ADAMTS16: variants seen among roughly 807,000 people sequenced by gnomAD.
The protein encoded by ADAMTS16 is ADAM metallopeptidase with thrombospondin type 1 motif 16.
Under a neutral mutation model 145.8 loss-of-function variants are expected in ADAMTS16, and 94 were observed. That is an observed-to-expected ratio of 0.64 (90% CI 0.55 to 0.77). The LOEUF is 0.77. Ranked by LOEUF, ADAMTS16 falls within the 30% of genes least tolerant of loss-of-function variation. ADAMTS16 has a pLI of 0.00. For synonymous variants in ADAMTS16, 659 were observed against 604.3 expected (o/e 1.09, Z -1.33); for missense variants, 1,585 against 1,591.5 (o/e 1.00, Z 0.07).
intron 11 of ADAMTS16, among the ~76,000 whole-genome samples, chr5:5,224,611 GA>G (rs1736704926): frequency 1.3e-5 from 2 of 152,174 alleles, no homozygotes; most frequent in South Asian, 4.1e-4. Flanking sequence ...TTTCTTGAAA[GA>G]AAATGAGTAT....
intron 10 of ADAMTS16, among the ~76,000 whole-genome samples, chr5:5,211,453 A>T (rs1736270089): frequency 6.6e-6 from 1 of 151,866 alleles, no homozygotes; most frequent in African/African-American, 2.4e-5. Context: ...TTTTTTTCTT[A>T]TCAGTCTAGT....
At chr5:5,182,846 A>G (rs540415947) in intron 4 of ADAMTS16, among the ~76,000 whole-genome samples, 6 of 152,248 alleles carry the variant, frequency 3.9e-5, no homozygotes, top group Non-Finnish European at 8.8e-5. Flanking sequence ...GAAACCTCTC[A>G]GAAATTCAAG....
At chr5:5,251,934 G>A (rs1332726641) in intron 17 of ADAMTS16, among the ~76,000 whole-genome samples, 1 of 152,010 alleles carries the variant, frequency 6.6e-6, no homozygotes, top group African/African-American at 2.4e-5. Context: ...TCGGCTCACT[G>A]CAACCTCCCG....
intron 16 of ADAMTS16, among the ~76,000 whole-genome samples, chr5:5,241,178 G>A (rs1246052592): frequency 6.6e-6 from 1 of 152,134 alleles, no homozygotes; most frequent in Non-Finnish European, 1.5e-5. Flanking sequence ...TTTTCTACAT[G>A]GGCATCATAT....
intron 10 of ADAMTS16, among the ~76,000 whole-genome samples, chr5:5,212,121 G>A (rs1381551807): frequency 6.6e-6 from 1 of 151,706 alleles, no homozygotes; most frequent in Non-Finnish European, 1.5e-5. Context: ...TTACAAAGAT[G>A]AGTGTTAAAA....
intron 18 of ADAMTS16, among the ~76,000 whole-genome samples, chr5:5,298,140 T>A (rs567071553): frequency 2.0e-5 from 3 of 152,252 alleles, no homozygotes; most frequent in Admixed American, 6.5e-5. Context: ...GCAAACCAAC[T>A]GTGGCTGGGA....
chr5:5,198,370 G>A (rs1735865324), intron 8 of ADAMTS16, among the ~76,000 whole-genome samples: 2 of 152,174 alleles, frequency 1.3e-5, no homozygotes, highest in African/African-American at 4.8e-5. Flanking sequence ...AGGCTAAAAT[G>A]ACTACATCTA....
intron 4 of ADAMTS16, among the ~76,000 whole-genome samples, chr5:5,185,047 G>A (rs1735460179): frequency 6.6e-6 from 1 of 152,124 alleles, no homozygotes; most frequent in Admixed American, 6.5e-5. Flanking sequence ...GGTACAGACT[G>A]CACGAGTTAC....
At chr5:5,232,926 A>G (rs1736979829) in intron 12 of ADAMTS16, among the ~76,000 whole-genome samples, 2 of 152,034 alleles carry the variant, frequency 1.3e-5, no homozygotes, top group Admixed American at 6.5e-5. Context: ...GCAAGCCTGT[A>G]CTGTACATAT....
intron 3 of ADAMTS16, among the ~76,000 whole-genome samples, chr5:5,149,860 C>T (rs538385123): frequency 2.6e-5 from 4 of 152,306 alleles, no homozygotes; most frequent in Admixed American, 6.5e-5. Flanking sequence ...GATTCATCCA[C>T]GTTGCAGCAC....
At chr5:5,282,842 G>T (rs1738973323) in intron 18 of ADAMTS16, among the ~76,000 whole-genome samples, 1 of 151,936 alleles carries the variant, frequency 6.6e-6, no homozygotes, top group African/African-American at 2.4e-5. Context: ...TTTTACTTTA[G>T]TCACTGTTTT....
intron 11 of ADAMTS16, among the ~76,000 whole-genome samples, chr5:5,224,792 T>C (rs1736710867): frequency 6.6e-6 from 1 of 152,188 alleles, no homozygotes; most frequent in Non-Finnish European, 1.5e-5. Context: ...GCCTTTCTGA[T>C]GTTGCCTTTG....
chr5:5,277,142 C>T (rs1738732696), intron 18 of ADAMTS16, among the ~76,000 whole-genome samples: 1 of 152,200 alleles, frequency 6.6e-6, no homozygotes, highest in Non-Finnish European at 1.5e-5. Context: ...AAATCTCCCC[C>T]TTACGCTGTC....
intron 3 of ADAMTS16, among the ~76,000 whole-genome samples, chr5:5,174,187 C>T (rs1292848733): frequency 6.6e-6 from 1 of 152,100 alleles, no homozygotes; most frequent in Non-Finnish European, 1.5e-5. Flanking sequence ...CCTTATTTCT[C>T]CTTCATGTTT....
Position 5,195,783 on chromosome 5 carries a change from T to C in ADAMTS16, c.1313+3993T>C, listed in dbSNP as rs116104129. On this transcript the variant is annotated intron_variant, in intron 8 of 22. Transcript: ENST00000274181. ...CAATTTGCATTCTGAGAGCAAGGCA[T>C]TGTGTAGGAGTCTACAAAAAGACTA... Among the ~76,000 whole-genome samples the C allele has an allele frequency of 6.6e-3, 1,008 of 152,314 alleles. 8 individuals are homozygous for C. Among genetic ancestry groups the C allele is most frequent in the African/African-American group, 0.023 (975 of 41,564 alleles).
Position 5,280,968 on chromosome 5 carries a change from T to C in ADAMTS16, c.2789+18185T>C, listed in dbSNP as rs897367321. Among the ~76,000 whole-genome samples the C allele has an allele frequency of 6.6e-5, 10 of 152,370 alleles. No individual in the cohort carries two copies. In the South Asian group the frequency reaches 1.0e-3, roughly 16 times the overall value. Reference sequence around the variant, plus strand: ...CTCTACCCTATCTCTTCATGTTTGATAAACATACTGAATTATAGTAGAAAA... The same window carrying C: ...CTCTACCCTATCTCTTCATGTTTGACAAACATACTGAATTATAGTAGAAAA... On this transcript the variant is annotated intron_variant, in intron 18 of 22. Coordinates refer to ENST00000274181, the MANE Select transcript of ADAMTS16 (RefSeq NM_139056.4).
chr5:5,319,847 G>T lies in ADAMTS16; in HGVS notation c.*709G>T. ...TCTCTTTCAGATTCATGCATTGAAGGAGAGATTTTTTATACTTTATGTTTT... is the reference window on the plus strand; with the variant it reads ...TCTCTTTCAGATTCATGCATTGAAGTAGAGATTTTTTATACTTTATGTTTT... On this transcript the variant is annotated 3_prime_UTR_variant, in exon 23 of 23. Transcript: ENST00000274181. 1 of 455,230 alleles carries T rather than the reference G, an allele frequency of 2.2e-6. No homozygotes were observed. The highest frequency in any genetic ancestry group is 4.4e-6 in the Non-Finnish European group (1 of 226,588). 28.2% of individuals were successfully genotyped at this position (455,230 alleles called of 1,614,324 possible).
intron 17 of ADAMTS16, among the ~76,000 whole-genome samples, chr5:5,259,465 T>C (rs1311077678): frequency 6.6e-6 from 1 of 152,220 alleles, no homozygotes; most frequent in Non-Finnish European, 1.5e-5. Context: ...TTTGCCAAGG[T>C]TAAGGATAGG....
chr5:5,241,797 T>A (rs1737299674), intron 16 of ADAMTS16, among the ~76,000 whole-genome samples: 1 of 151,728 alleles, frequency 6.6e-6, no homozygotes. Flanking sequence ...TGCAAAAGTG[T>A]TTGAAGTTTT....
Sources: allele counts gnomAD v4.1 joint callset (sites outside exome capture counted in the v4.1 genomes callset), GRCh38; gene constraint gnomAD v4.1.1; transcripts MANE v1.5; gene names NCBI Gene and HGNC (gene_info 2026-07-23, HGNC 2026-07-21).